The following CEACAM20 variants were observed in gnomAD, a reference collection of about 807,000 sequenced individuals.
The protein encoded by CEACAM20 is CEA cell adhesion molecule 20.
CEACAM20 carries 50 observed loss-of-function variants against 61.2 expected under a neutral mutation model. That is an observed-to-expected ratio of 0.82 (90% CI 0.65 to 1.03). The LOEUF is 1.03. CEACAM20 is among the 50% of genes least tolerant of loss of function. CEACAM20 has a pLI of 0.00. For synonymous variants in CEACAM20, 282 were observed against 287.7 expected, an observed-to-expected ratio of 0.98 and a Z score of 0.20; for missense variants, 683 against 736.4, an observed-to-expected ratio of 0.93 and a Z score of 0.84.
intron 11 of CEACAM20, among the ~76,000 whole-genome samples, chr19:44,510,600 GAAAGAAAGAA>G (rs1376453996): frequency 0.026 from 1,927 of 74,070 alleles, 100 homozygotes; most frequent in East Asian, 0.068. Flanking sequence ...AAGAAAGAAA[GAAAGAAAGAA>G]AAAGGAAGGA....
At chr19:44,510,603 A>G (rs1599664027) in intron 11 of CEACAM20, among the ~76,000 whole-genome samples, 4,348 of 75,046 alleles carry the variant, frequency 0.058, 412 homozygotes, top group African/African-American at 0.26. Context: ...AAAGAAAGAA[A>G]GAAAGAAAAA....
chr19:44,525,248 C>A lies in CEACAM20; in HGVS notation c.53-4G>T. On this transcript the variant is annotated splice_region_variant and splice_polypyrimidine_tract_variant and intron_variant, in intron 1 of 11. Transcript: ENST00000614924. Reference sequence around the variant, plus strand: ...CTCCATACGGTACAAAGCGAGGCTACAAGGGGAGAGAGGAGGCATTCAGGG... The same window carrying A: ...CTCCATACGGTACAAAGCGAGGCTAAAAGGGGAGAGAGGAGGCATTCAGGG... 1 of 1,570,658 alleles carries A rather than the reference C, an allele frequency of 6.4e-7. No individual in the cohort carries two copies. The highest frequency in any genetic ancestry group is 8.6e-7 in the Non-Finnish European group (1 of 1,161,352).
intron 1 of CEACAM20, among the ~76,000 whole-genome samples, 159 bp downstream of exon 1, chr19:44,529,293 TTCTGTC>T (rs932725909): frequency 9.9e-5 from 15 of 151,192 alleles, no homozygotes; most frequent in East Asian, 9.8e-4. Flanking sequence ...CTGTCTTTAT[TTCTGTC>T]TCTGTCTCTG....
intron 1 of CEACAM20, 55 bp from the exon 2 acceptor site, chr19:44,525,299 C>T (rs542156307): frequency 8.7e-6 from 13 of 1,496,536 alleles, no homozygotes; most frequent in African/African-American, 8.7e-5. Flanking sequence ...GGGGGTTGCC[C>T]GGCTAAGGTC....
At position 44,522,743 on chromosome 19, in the gene CEACAM20, T is replaced by C. The variant is rs1971404614; in HGVS notation, c.642A>G (p.Thr214=). Residue 214 remains threonine (T), a synonymous_variant, in exon 4 of 12, where the codon ACA becomes ACG. Coordinates refer to ENST00000614924, the MANE Select transcript of CEACAM20 (RefSeq NM_001102597.3). ...CTCTGGACACAGCATGGATGGTGAA[T>C]GTTCTCGTGGTGTGAGACAGAATGG... ...LDSILSHTTR[T]FTIHAVSREH... is the part of the protein sequence containing the mutation. The C allele has an allele frequency of 6.2e-7, 1 of 1,613,928 alleles. No homozygotes were observed. The highest frequency in any genetic ancestry group is 8.5e-7 in the Non-Finnish European group (1 of 1,179,872).
chr19:44,515,711 C>T (rs1971134636), intron 6 of CEACAM20, among the ~76,000 whole-genome samples: 1 of 152,142 alleles, frequency 6.6e-6, no homozygotes, highest in South Asian at 2.1e-4. Context: ...AGTCTGTAAT[C>T]TCAGCACGTT....
At chr19:44,520,336 G>T (rs1161963743) in intron 5 of CEACAM20, 138 bp downstream of exon 5, 2 of 1,142,082 alleles carry the variant, frequency 1.8e-6, no homozygotes, top group African/African-American at 1.6e-5. Flanking sequence ...GCAGGCACTT[G>T]GCCCTGTCCA....
chr19:44,512,727 A>T (rs1971038033), intron 8 of CEACAM20, 141 bp downstream of exon 8: 1 of 665,582 alleles, frequency 1.5e-6, no homozygotes, highest in Non-Finnish European at 2.6e-6. Context: ...CAAATTCCAG[A>T]TGGGAACACA....
At chr19:44,526,789 T>C (rs1971542559) in intron 1 of CEACAM20, among the ~76,000 whole-genome samples, 1 of 148,660 alleles carries the variant, frequency 6.7e-6, no homozygotes. Flanking sequence ...CACAAGAATC[T>C]CTTGAACCCA....
intron 10 of CEACAM20, 93 bp downstream of exon 10, chr19:44,511,544 G>C: frequency 7.8e-7 from 1 of 1,278,276 alleles, no homozygotes; most frequent in Non-Finnish European, 1.1e-6. Flanking sequence ...GAAATGTTTA[G>C]ACAAGATGAT....
At chr19:44,513,323 G>T in intron 6 of CEACAM20, 34 bp from the exon 7 acceptor site, 2 of 1,436,042 alleles carry the variant, frequency 1.4e-6, no homozygotes, top group African/African-American at 1.4e-5. Flanking sequence ...ACCCAGGCTT[G>T]ACACACCCTC....
chr19:44,526,121 T>C (rs1031580726), intron 1 of CEACAM20, among the ~76,000 whole-genome samples: 3 of 152,196 alleles, frequency 2.0e-5, no homozygotes, highest in African/African-American at 4.8e-5. Context: ...TCTACTGTGA[T>C]CTTGGTGAAA....
intron 11 of CEACAM20, among the ~76,000 whole-genome samples, chr19:44,508,681 C>A (rs113984173): frequency 6.6e-6 from 1 of 152,168 alleles, no homozygotes; most frequent in African/African-American, 2.4e-5. Flanking sequence ...TGAGCCACCG[C>A]GCCTGGCCCA....
rs1971015400 is a variant in CEACAM20 at position 44,512,019 on chromosome 19, G to C, written c.1573C>G (p.Leu525Val). 1 of 1,608,082 alleles carries C rather than the reference G, an allele frequency of 6.2e-7. No homozygotes were observed. The highest frequency in any genetic ancestry group is 8.5e-7 in the Non-Finnish European group (1 of 1,177,426). The change falls in exon 9 of 12, where the codon CTG (leucine) becomes GTG (valine). Residue 525 changes from leucine (L) to valine (V), a missense_variant and splice_region_variant. By Grantham distance (32) the Leu-to-Val change is conservative. Transcript: ENST00000614924. The part of the protein sequence containing the change: ...SQLQGRIRVE[L>V]MQPPDLPEET... ...GTTCCCTCTGCAGCATCACTCACCA[G>C]TTCGACTCTGATCCGTCCCTGAAGC... is the stretch of plus-strand genomic sequence containing the variant.
Position 44,513,121 on chromosome 19 carries a change from C to T in CEACAM20, c.1427+51G>A, listed in dbSNP as rs914805774. 3 of 1,462,486 alleles carry T rather than the reference C, an allele frequency of 2.1e-6. No homozygotes were observed. In the African/African-American group the frequency reaches 4.2e-5, roughly 20 times the overall value. 90.6% of individuals were successfully genotyped at this position (1,462,486 alleles called of 1,614,324 possible). On this transcript the variant is annotated intron_variant, in intron 7 of 11. Transcript: ENST00000614924. ...TCAGCAACACGCCCGGCAAGCGCCC[C>T]CTGCTGGCCACATCCCCATCCCCAT...
chr19:44,506,533 G>A (rs1970824230), intron 11 of CEACAM20, among the ~76,000 whole-genome samples: 1 of 152,212 alleles, frequency 6.6e-6, no homozygotes, highest in Non-Finnish European at 1.5e-5. Context: ...TGGCAAAGGT[G>A]GCAGGATATA....
At chr19:44,516,334 G>A (rs369555781) in intron 6 of CEACAM20, among the ~76,000 whole-genome samples, 14 of 152,248 alleles carry the variant, frequency 9.2e-5, no homozygotes, top group East Asian at 7.7e-4. Context: ...GATATGATTT[G>A]GCTGTGTCCC....
rs1019878370 is a variant in CEACAM20 at position 44,522,890 on chromosome 19, G to A, written c.495C>T (p.Ile165=). 7 of 1,605,102 alleles carry A rather than the reference G, an allele frequency of 4.4e-6. No homozygotes were observed. The African/African-American group carries it at 8.0e-5, about 18-fold the overall frequency. The change falls in exon 4 of 12, where the codon ATC becomes ATT. Residue 165 remains isoleucine (I), a synonymous_variant. Coordinates refer to ENST00000614924, the MANE Select transcript of CEACAM20 (RefSeq NM_001102597.3). The part of the protein sequence containing the change: ...DVKYGPDPVE[I]KLESGVASGE... Reference sequence around the variant, plus strand: ...CACTGGCAACACCAGACTCCAATTTGATTTCAACAGGATCAGGACCATCTG... The same window carrying A: ...CACTGGCAACACCAGACTCCAATTTAATTTCAACAGGATCAGGACCATCTG...
intron 6 of CEACAM20, among the ~76,000 whole-genome samples, chr19:44,514,174 A>G (rs920828866): frequency 2.6e-5 from 4 of 152,182 alleles, no homozygotes; most frequent in Non-Finnish European, 4.4e-5. Flanking sequence ...TCATCTGTAA[A>G]TAGCACAGGA....
Sources: allele counts gnomAD v4.1 joint callset (sites outside exome capture counted in the v4.1 genomes callset), GRCh38; gene constraint gnomAD v4.1.1; transcripts MANE v1.5; gene names NCBI Gene and HGNC (gene_info 2026-07-23, HGNC 2026-07-21).